Variants in SNX29 observed in about 807,000 individuals in gnomAD.
The protein encoded by SNX29 is sorting nexin 29.
In SNX29, 78 loss-of-function variants were observed where a neutral mutation model predicts 102.1. That is an observed-to-expected ratio of 0.76 (90% CI 0.64 to 0.92). The LOEUF (loss-of-function observed/expected upper bound fraction) is 0.92. SNX29 is among the 40% of genes least tolerant of loss of function. The pLI is 0.00. For missense variants in SNX29, 1,280 were observed against 1,061.7 expected, an observed-to-expected ratio of 1.21 and a Z score of -2.86; for synonymous variants, 580 against 414.5, an observed-to-expected ratio of 1.40 and a Z score of -4.85.
intron 11 of SNX29, among the ~76,000 whole-genome samples, chr16:12,099,015 C>T (rs1379389672): frequency 6.6e-6 from 1 of 152,064 alleles, no homozygotes; most frequent in Non-Finnish European, 1.5e-5. Flanking sequence ...GGAGTGGGGA[C>T]CTACTTCATG....
chr16:12,002,989 A>G lies in SNX29; in HGVS notation c.70-2A>G, dbSNP rs1033284877. ...ATCTCAGCAGCTTCTTTTTCTGTGC[A>G]GTGCCAGATCCGCTTTGGAGGGAGA... On this transcript the variant is annotated splice_acceptor_variant, in intron 2 of 20. Coordinates refer to ENST00000566228, the MANE Select transcript of SNX29 (RefSeq NM_032167.5). LOFTEE classifies it high-confidence loss of function. The G allele has an allele frequency of 2.2e-5, 36 of 1,614,184 alleles. No individual in the cohort carries two copies. Among genetic ancestry groups the G allele is most frequent in the Non-Finnish European group, 3.1e-5 (36 of 1,180,044 alleles).
intron 20 of SNX29, among the ~76,000 whole-genome samples, chr16:12,544,406 CATT>C (rs1211344197): frequency 6.6e-5 from 10 of 152,298 alleles, no homozygotes; most frequent in East Asian, 1.9e-4. Context: ...TCTGCTAAAA[CATT>C]ATGTCAGCTG....
intron 15 of SNX29, among the ~76,000 whole-genome samples, chr16:12,321,646 C>T (rs1464622604): frequency 6.6e-6 from 1 of 152,134 alleles, no homozygotes; most frequent in African/African-American, 2.4e-5. Flanking sequence ...GAGAGCTGGG[C>T]TGAAAGCGCA....
intron 20 of SNX29, among the ~76,000 whole-genome samples, chr16:12,538,906 T>TAATGAC: frequency 9.5e-6 from 1 of 104,912 alleles, no homozygotes; most frequent in African/African-American, 5.3e-5. Flanking sequence ...AATGACCTGT[T>TAATGAC]CTAAGTGGGA....
chr16:12,169,012 G>A (rs1177301117), intron 13 of SNX29, among the ~76,000 whole-genome samples: 2 of 152,226 alleles, frequency 1.3e-5, no homozygotes, highest in Non-Finnish European at 2.9e-5. Context: ...CACAGCTGAA[G>A]GATGGCTTTG....
chr16:12,391,893 A>AT (rs1338647522), intron 16 of SNX29, among the ~76,000 whole-genome samples: 4 of 152,088 alleles, frequency 2.6e-5, no homozygotes, highest in African/African-American at 9.7e-5. Context: ...TGTTACGTTG[A>AT]TTTTTTGAAA....
At chr16:12,094,585 G>A (rs1163476015) in intron 11 of SNX29, among the ~76,000 whole-genome samples, 2 of 152,146 alleles carry the variant, frequency 1.3e-5, no homozygotes, top group African/African-American at 2.4e-5. Context: ...ACGCAGGATG[G>A]TGGTTCTTAG....
chr16:12,324,172 G>A (rs1397974138), intron 15 of SNX29, among the ~76,000 whole-genome samples: 1 of 151,796 alleles, frequency 6.6e-6, no homozygotes, highest in Non-Finnish European at 1.5e-5. Context: ...CATTCCATGG[G>A]CTTTTGGGGG....
intron 15 of SNX29, among the ~76,000 whole-genome samples, chr16:12,300,137 G>C (rs2080118410): frequency 6.6e-6 from 1 of 152,248 alleles, no homozygotes; most frequent in African/African-American, 2.4e-5. Flanking sequence ...CTCCCAAAGT[G>C]CTGAGGTTAC....
At chr16:12,148,063 G>C (rs1334904506) in intron 13 of SNX29, among the ~76,000 whole-genome samples, 1 of 152,198 alleles carries the variant, frequency 6.6e-6, no homozygotes, top group Non-Finnish European at 1.5e-5. Flanking sequence ...AGATGTGTGA[G>C]ACTCGTACCT....
intron 19 of SNX29, among the ~76,000 whole-genome samples, chr16:12,498,113 A>T (rs1055030075): frequency 6.6e-6 from 1 of 152,230 alleles, no homozygotes; most frequent in African/African-American, 2.4e-5. Context: ...GTCTTGAGGG[A>T]TAAGCAGCAT....
rs1157011620 is a variant in SNX29 at position 12,573,522 on chromosome 16, G to C, written c.*4893G>C. On this transcript the variant is annotated 3_prime_UTR_variant, in exon 21 of 21. Coordinates refer to ENST00000566228, the MANE Select transcript of SNX29 (RefSeq NM_032167.5). ...GTGGTTTAAGAGGCCCAGGGATTTA[G>C]TTCTTACTGGTGCGTAAGTGTTTTC... The C allele has an allele frequency of 1.3e-5, 3 of 224,464 alleles. No individual in the cohort carries two copies. The highest frequency in any genetic ancestry group is 6.7e-5 in the African/African-American group (3 of 44,888). The allele number at this position is 224,464 out of a possible 1,614,324, so 13.9% of individuals were successfully genotyped here. A position where few individuals can be genotyped will look rare whatever the true frequency, so the allele number is the denominator to read the frequency against.
At chr16:12,251,340 T>C (rs2078415403) in intron 14 of SNX29, among the ~76,000 whole-genome samples, 1 of 152,232 alleles carries the variant, frequency 6.6e-6, no homozygotes, top group Non-Finnish European at 1.5e-5. Context: ...ATTAATATTA[T>C]TGACCCTCAG....
chr16:12,281,049 A>G (rs768247618), intron 15 of SNX29, among the ~76,000 whole-genome samples: 1 of 152,158 alleles, frequency 6.6e-6, no homozygotes, highest in Non-Finnish European at 1.5e-5. Flanking sequence ...CTGAGACTAC[A>G]GGCATGTGCC....
At chr16:12,070,539 G>A (rs1341569546) in intron 10 of SNX29, among the ~76,000 whole-genome samples, 2 of 151,590 alleles carry the variant, frequency 1.3e-5, no homozygotes, top group Non-Finnish European at 1.5e-5. Context: ...AGTATTCCAT[G>A]GTGTATATGT....
chr16:12,508,045 G>A (rs954598399), intron 19 of SNX29, among the ~76,000 whole-genome samples: 1 of 152,254 alleles, frequency 6.6e-6, no homozygotes, highest in Non-Finnish European at 1.5e-5. Context: ...ACGTGGCCAA[G>A]GGCAAGCTAA....
chr16:12,348,957 G>A (rs1396910810), intron 15 of SNX29, among the ~76,000 whole-genome samples: 1 of 152,078 alleles, frequency 6.6e-6, no homozygotes, highest in African/African-American at 2.4e-5. Flanking sequence ...TGTCACCATC[G>A]CCCCTCTGGG....
chr16:12,222,596 T>G (rs2077506695), intron 14 of SNX29, among the ~76,000 whole-genome samples: 1 of 151,666 alleles, frequency 6.6e-6, no homozygotes, highest in Admixed American at 6.6e-5. Context: ...TGAGACAGAG[T>G]CTCTCTCTGT....
intron 15 of SNX29, among the ~76,000 whole-genome samples, chr16:12,349,294 C>G (rs892824126): frequency 6.6e-6 from 1 of 152,216 alleles, no homozygotes; most frequent in Non-Finnish European, 1.5e-5. Flanking sequence ...CTGGACCCAC[C>G]GTGCCAAGGT....
Sources: allele counts gnomAD v4.1 joint callset (sites outside exome capture counted in the v4.1 genomes callset), GRCh38; gene constraint gnomAD v4.1.1; transcripts MANE v1.5; gene names NCBI Gene and HGNC (gene_info 2026-07-23, HGNC 2026-07-21).